The following CSMD3 variants were observed in gnomAD, a reference collection of about 807,000 sequenced individuals.
CSMD3 encodes CUB and sushi domain-containing protein 3.
In CSMD3, 177 loss-of-function variants were observed where a neutral mutation model predicts 435.2. The ratio of observed to expected loss-of-function variants is 0.41; its 90% CI spans 0.36 to 0.46. CSMD3 has a LOEUF of 0.46. Among genes scored for constraint, CSMD3 ranks in the 20% least tolerant of loss-of-function variants. The probability of loss-of-function intolerance (pLI) is 0.34; values close to 1 mark genes in which losing one functional copy is unlikely to be tolerated. For missense variants in CSMD3, 4,265 were observed against 4,504.6 expected (o/e 0.95, Z 1.52); for synonymous variants, 1,656 against 1,520.5 (o/e 1.09, Z -2.07).
At chr8:112,278,384 GA>G (rs1427167682) in intron 59 of CSMD3, among the ~76,000 whole-genome samples, 2 of 152,184 alleles carry the variant, frequency 1.3e-5, no homozygotes, top group Non-Finnish European at 2.9e-5. Context: ...CAGAAGTATT[GA>G]AAATTGACAT....
intron 59 of CSMD3, among the ~76,000 whole-genome samples, chr8:112,276,809 T>G (rs1818094840): frequency 6.6e-6 from 1 of 152,168 alleles, no homozygotes; most frequent in East Asian, 1.9e-4. Flanking sequence ...TCTGTGCACC[T>G]GCAGCCTCAA....
chr8:112,794,442 G>A (rs1241912619), intron 13 of CSMD3, among the ~76,000 whole-genome samples: 2 of 151,418 alleles, frequency 1.3e-5, no homozygotes, highest in Admixed American at 6.6e-5. Flanking sequence ...TCACAGGCAC[G>A]CACCACCACG....
chr8:113,221,085 C>T lies in CSMD3; in HGVS notation c.515-47169G>A, dbSNP rs146887530. 7.5e-3 allele frequency among the ~76,000 whole-genome samples: 1,135 copies of T among 151,180 alleles called. 15 individuals are homozygous for T. The highest frequency in any genetic ancestry group is 0.026 in the African/African-American group (1,062 of 41,384). On this transcript the variant is annotated intron_variant, in intron 3 of 70. Coordinates refer to ENST00000297405, the MANE Select transcript of CSMD3 (RefSeq NM_198123.2). ...ATGAAAGGAAGCTAAAATGTTATGGCGGCTAAATGCAATACCCAAATTTTG... is the reference window on the plus strand; with the variant it reads ...ATGAAAGGAAGCTAAAATGTTATGGTGGCTAAATGCAATACCCAAATTTTG...
chr8:112,267,322 T>C (rs1452742090), intron 59 of CSMD3, among the ~76,000 whole-genome samples: 1 of 152,112 alleles, frequency 6.6e-6, no homozygotes, highest in Non-Finnish European at 1.5e-5. Context: ...TTTGAGTGTT[T>C]CTTTCTCAAT....
chr8:113,281,846 T>C (rs981744726), intron 2 of CSMD3, among the ~76,000 whole-genome samples: 5 of 152,002 alleles, frequency 3.3e-5, no homozygotes, highest in Admixed American at 2.6e-4. Flanking sequence ...AGCTCCTTTT[T>C]AGCAGTTCTT....
intron 3 of CSMD3, among the ~76,000 whole-genome samples, chr8:113,256,629 A>G (rs960289171): frequency 2.0e-5 from 3 of 152,234 alleles, no homozygotes; most frequent in African/African-American, 4.8e-5. Flanking sequence ...CATTTAGAGC[A>G]GATTTCTATT....
chr8:113,096,299 C>T (rs2090160819), intron 5 of CSMD3, among the ~76,000 whole-genome samples: 1 of 152,102 alleles, frequency 6.6e-6, no homozygotes, highest in African/African-American at 2.4e-5. Flanking sequence ...ATTGTATTTG[C>T]TCAGTTCTTC....
intron 4 of CSMD3, among the ~76,000 whole-genome samples, chr8:113,163,885 A>G (rs1400581713): frequency 1.3e-5 from 2 of 152,028 alleles, no homozygotes; most frequent in African/African-American, 4.8e-5. Context: ...AAAAGAGGTA[A>G]TACAAACCTG....
chr8:113,128,331 A>T (rs1373412517), intron 4 of CSMD3, among the ~76,000 whole-genome samples: 1 of 151,962 alleles, frequency 6.6e-6, no homozygotes, highest in Non-Finnish European at 1.5e-5. Context: ...AAAAATACAC[A>T]TTTATAGTTT....
At chr8:112,890,516 G>A (rs2081753311) in intron 10 of CSMD3, among the ~76,000 whole-genome samples, 2 of 151,572 alleles carry the variant, frequency 1.3e-5, no homozygotes, top group African/African-American at 4.8e-5. Flanking sequence ...TGATACTTCA[G>A]GATAAGCCCA....
chr8:112,656,031 T>C, intron 18 of CSMD3, 123 bp downstream of exon 18: 1 of 630,296 alleles, frequency 1.6e-6, no homozygotes, highest in South Asian at 2.0e-5. Flanking sequence ...TTAACATTCT[T>C]ATAGATGAAG....
rs557113425 is a variant in CSMD3, at chr8:112,309,577, G to A, written c.7885+1401C>T. 4.6e-5 allele frequency among the ~76,000 whole-genome samples: 7 copies of A among 152,066 alleles called. No homozygotes were observed. The South Asian group carries it at 1.2e-3, about 27-fold the overall frequency. On this transcript the variant is annotated intron_variant, in intron 50 of 70. Transcript: ENST00000297405. ...ATACTCCTGCTATTCATTGGTCGAA[G>A]GAAAGCAGCTGTTTTAATACTTTAT...
intron 13 of CSMD3, among the ~76,000 whole-genome samples, chr8:112,776,804 A>T (rs2078257655): frequency 6.6e-6 from 1 of 151,794 alleles, no homozygotes; most frequent in African/African-American, 2.4e-5. Flanking sequence ...TTAATTCTAT[A>T]TCAAGGCTGT....
intron 1 of CSMD3, among the ~76,000 whole-genome samples, chr8:113,333,120 T>C (rs1252343306): frequency 2.0e-5 from 3 of 151,734 alleles, no homozygotes; most frequent in African/African-American, 7.2e-5. Context: ...CATTTTCTAA[T>C]TGGATCATTA....
At chr8:112,824,706 A>T (rs1387985126) in intron 12 of CSMD3, among the ~76,000 whole-genome samples, 3 of 152,082 alleles carry the variant, frequency 2.0e-5, no homozygotes, top group Non-Finnish European at 2.9e-5. Flanking sequence ...TTTGTAGGTG[A>T]CCTGATTTTT....
intron 24 of CSMD3, among the ~76,000 whole-genome samples, chr8:112,560,944 G>T (rs553648962): frequency 6.6e-6 from 1 of 151,680 alleles, no homozygotes; most frequent in Admixed American, 6.6e-5. Flanking sequence ...AAGGTTTATT[G>T]CCAAATTCAT....
intron 21 of CSMD3, among the ~76,000 whole-genome samples, chr8:112,637,503 A>T (rs945326044): frequency 6.6e-6 from 1 of 152,154 alleles, no homozygotes; most frequent in Non-Finnish European, 1.5e-5. Flanking sequence ...TTGAGATGCA[A>T]GGGTTTATGT....
intron 38 of CSMD3, among the ~76,000 whole-genome samples, chr8:112,369,634 T>C (rs1828126009): frequency 6.6e-6 from 1 of 152,022 alleles, no homozygotes; most frequent in African/African-American, 2.4e-5. Context: ...ACCCCACATG[T>C]TCTCACTCAT....
At chr8:113,124,437 AG>A (rs1032384127) in intron 4 of CSMD3, among the ~76,000 whole-genome samples, 3 of 151,852 alleles carry the variant, frequency 2.0e-5, no homozygotes, top group African/African-American at 7.2e-5. Context: ...ATATAGGAAA[AG>A]TTTGATGGGA....
Sources: allele counts gnomAD v4.1 joint callset (sites outside exome capture counted in the v4.1 genomes callset), GRCh38; gene constraint gnomAD v4.1.1; transcripts MANE v1.5; gene names NCBI Gene and HGNC (gene_info 2026-07-23, HGNC 2026-07-21).